TCERG1L: variants seen among roughly 807,000 people sequenced by gnomAD.
TCERG1L encodes transcription elongation regulator 1 like.
TCERG1L carries 37 observed loss-of-function variants against 56.3 expected under a neutral mutation model. That is an observed-to-expected ratio of 0.66 (90% confidence interval 0.51 to 0.87). The LOEUF (loss-of-function observed/expected upper bound fraction) is 0.87, where lower values mean the gene tolerates loss of function less well. Ranked by LOEUF, TCERG1L falls within the 40% of genes least tolerant of loss-of-function variation. The probability of loss-of-function intolerance (pLI) is 0.00; values close to 1 mark genes in which losing one functional copy is unlikely to be tolerated. For missense variants in TCERG1L, 799 were observed against 774.2 expected, an observed-to-expected ratio of 1.03 and a Z score of -0.38; for synonymous variants, 324 against 326.3, an observed-to-expected ratio of 0.99 and a Z score of 0.08.
chr10:131,305,734 C>T (rs980116810), intron 3 of TCERG1L, among the ~76,000 whole-genome samples: 2 of 151,994 alleles, frequency 1.3e-5, no homozygotes, highest in Non-Finnish European at 2.9e-5. Context: ...TCTGTTTCTG[C>T]TTCTATGATT....
intron 4 of TCERG1L, among the ~76,000 whole-genome samples, chr10:131,215,094 T>C (rs1400885968): frequency 6.6e-6 from 1 of 152,190 alleles, no homozygotes; most frequent in Non-Finnish European, 1.5e-5. Flanking sequence ...TTCCTCGCTG[T>C]GACGCACTCA....
intron 4 of TCERG1L, among the ~76,000 whole-genome samples, chr10:131,196,718 C>T (rs1222066368): frequency 6.6e-6 from 1 of 152,208 alleles, no homozygotes; most frequent in Non-Finnish European, 1.5e-5. Flanking sequence ...TCCCGTGACT[C>T]GGCCTGACTG....
At chr10:131,237,768 A>G (rs1014768903) in intron 4 of TCERG1L, among the ~76,000 whole-genome samples, 4 of 152,238 alleles carry the variant, frequency 2.6e-5, no homozygotes, top group African/African-American at 4.8e-5. Context: ...AGCCAGTCCA[A>G]TCGCTTCTCT....
intron 4 of TCERG1L, among the ~76,000 whole-genome samples, chr10:131,173,157 C>T (rs537139840): frequency 8.1e-4 from 123 of 152,244 alleles, no homozygotes; most frequent in Non-Finnish European, 1.4e-3. Context: ...TCCCAAAGTG[C>T]TGGGATTACA....
At chr10:131,135,793 CCT>C (rs1845669908) in intron 7 of TCERG1L, among the ~76,000 whole-genome samples, 1 of 152,198 alleles carries the variant, frequency 6.6e-6, no homozygotes, top group African/African-American at 2.4e-5. Context: ...TCATGCACAC[CCT>C]GTGTGGGTGC....
Position 131,093,323 on chromosome 10 carries a change from A to G in TCERG1L, c.1605-5T>C. ...GCAAACTCCTTAAACGTGGTCCTGA[A>G]AAAGAAAGAGTTTCCTGAGACACCT... On this transcript the variant is annotated splice_polypyrimidine_tract_variant and splice_region_variant and intron_variant, in intron 11 of 11. Transcript: ENST00000368642. 6.2e-7 allele frequency: 1 copy of G among 1,611,710 alleles called. No individual in the cohort carries two copies. Among genetic ancestry groups the G allele is most frequent in the Non-Finnish European group, 8.5e-7 (1 of 1,179,304 alleles).
intron 4 of TCERG1L, among the ~76,000 whole-genome samples, chr10:131,184,485 T>A (rs887500814): frequency 1.3e-5 from 2 of 152,126 alleles, no homozygotes; most frequent in Non-Finnish European, 2.9e-5. Flanking sequence ...AGCAAATAAA[T>A]TTGAAACTGC....
intron 4 of TCERG1L, among the ~76,000 whole-genome samples, chr10:131,207,018 T>C (rs1458619573): frequency 6.6e-6 from 1 of 152,222 alleles, no homozygotes; most frequent in Non-Finnish European, 1.5e-5. Context: ...CCTCCATCAG[T>C]TCCCCTCTTC....
intron 4 of TCERG1L, among the ~76,000 whole-genome samples, chr10:131,187,315 C>T (rs1845255219): frequency 6.6e-6 from 1 of 152,210 alleles, no homozygotes; most frequent in African/African-American, 2.4e-5. Flanking sequence ...TAGAGCTGTG[C>T]AACCTCAGAG....
intron 8 of TCERG1L, among the ~76,000 whole-genome samples, chr10:131,120,828 T>A (rs1248220086): frequency 5.9e-5 from 9 of 152,182 alleles, no homozygotes; most frequent in Admixed American, 5.9e-4. Context: ...GAGCGACCCC[T>A]CCTGCTCCTT....
At chr10:131,176,847 TAG>T (rs1846161294) in intron 4 of TCERG1L, among the ~76,000 whole-genome samples, 2 of 26,132 alleles carry the variant, frequency 7.7e-5, no homozygotes, top group African/African-American at 1.5e-4. Flanking sequence ...CACAGGCACA[TAG>T]GAACACACAG....
chr10:131,242,692 G>C (rs776947337), intron 4 of TCERG1L, among the ~76,000 whole-genome samples: 7 of 152,176 alleles, frequency 4.6e-5, no homozygotes, highest in Non-Finnish European at 1.0e-4. Flanking sequence ...CTGAAAATCT[G>C]CATTCCAAAA....
chr10:131,276,931 T>C (rs185349048), intron 3 of TCERG1L, among the ~76,000 whole-genome samples: 28 of 152,280 alleles, frequency 1.8e-4, no homozygotes, highest in African/African-American at 6.7e-4. Context: ...ATGCGCAGTA[T>C]TGGAGAAGGA....
At chr10:131,218,433 T>A (rs1845696044) in intron 4 of TCERG1L, among the ~76,000 whole-genome samples, 2 of 152,226 alleles carry the variant, frequency 1.3e-5, no homozygotes, top group African/African-American at 4.8e-5. Flanking sequence ...GATTCACAGC[T>A]TACAGATGGC....
intron 3 of TCERG1L, among the ~76,000 whole-genome samples, chr10:131,272,111 G>A (rs1846345652): frequency 6.6e-6 from 1 of 152,122 alleles, no homozygotes; most frequent in African/African-American, 2.4e-5. Context: ...GGAATGAGCT[G>A]GTGCAGGGAC....
intron 4 of TCERG1L, among the ~76,000 whole-genome samples, chr10:131,216,936 G>A (rs1320068817): frequency 6.6e-6 from 1 of 152,162 alleles, no homozygotes; most frequent in African/African-American, 2.4e-5. Context: ...TCTCTACCCA[G>A]GGCACAGGAC....
intron 3 of TCERG1L, among the ~76,000 whole-genome samples, chr10:131,285,652 T>C (rs1308279486): frequency 6.6e-6 from 1 of 152,060 alleles, no homozygotes; most frequent in Non-Finnish European, 1.5e-5. Flanking sequence ...GTAATAGAGA[T>C]AAGTGCAGCA....
In TCERG1L at chr10:131,134,398, C is replaced by G; in HGVS notation, c.1240G>C (p.Val414Leu). 6.3e-7 allele frequency: 1 copy of G among 1,593,780 alleles called. No individual in the cohort carries two copies. The highest frequency in any genetic ancestry group is 1.7e-4 in the Middle Eastern group (1 of 6,038). Residue 414 changes from valine to leucine, a missense_variant, in exon 8 of 12, where the codon GTG becomes CTG. Coordinates refer to ENST00000368642, the MANE Select transcript of TCERG1L (RefSeq NM_174937.4). Reference protein sequence around the residue: ...SSEDNREDQDVKTKRNRTEGC... With the variant: ...SSEDNREDQDLKTKRNRTEGC... ...ACCTACCGGTTCCTCTTGGTTTTCA[C>G]ATCTTGGTCTTCCCTGTTGTCTTCA...
In TCERG1L at chr10:131,143,751, C is replaced by T. The variant is rs190370716; in HGVS notation, c.1189+2755G>A. On this transcript the variant is annotated intron_variant, in intron 7 of 11. Coordinates refer to ENST00000368642, the MANE Select transcript of TCERG1L (RefSeq NM_174937.4). ...TAAGATCCCCGAGAACCGCATGGCA[C>T]GGAACGGATGGGGCTGGGGGTGAAG... Among the ~76,000 whole-genome samples, 50 of 152,246 alleles carry T rather than the reference C, an allele frequency of 3.3e-4. 1 individual carries two copies. In the East Asian group the frequency reaches 6.4e-3, roughly 19 times the overall value.
Sources: allele counts gnomAD v4.1 joint callset (sites outside exome capture counted in the v4.1 genomes callset), GRCh38; gene constraint gnomAD v4.1.1; transcripts MANE v1.5; gene names NCBI Gene and HGNC (gene_info 2026-07-23, HGNC 2026-07-21).